PIK3CD: variants seen among roughly 807,000 people sequenced by gnomAD.
PIK3CD encodes phosphatidylinositol-4,5-bisphosphate 3-kinase catalytic subunit delta.
In PIK3CD, 20 loss-of-function variants were observed where a neutral mutation model predicts 122.9. The ratio of observed to expected loss-of-function variants is 0.16; its 90% CI spans 0.11 to 0.24. PIK3CD has a LOEUF of 0.24. Among genes scored for constraint, PIK3CD ranks in the 10% least tolerant of loss-of-function variants. The pLI, the probability that PIK3CD is intolerant of heterozygous loss-of-function variation, is 1.00. For synonymous variants in PIK3CD, 596 were observed against 593.4 expected (o/e 1.00, Z -0.06); for missense variants, 787 against 1,406.3 (o/e 0.56, Z 7.04).
chr1:9,675,895 A>T (rs1645516037), intron 1 of PIK3CD, among the ~76,000 whole-genome samples: 1 of 150,830 alleles, frequency 6.6e-6, no homozygotes. Context: ...CCTCCTGAGC[A>T]GTTAGGACTA....
At position 9,727,395 on chromosome 1, in the gene PIK3CD, G is replaced by A. The variant is rs1215960529; in HGVS notation, c.*349G>A. ...TTCTTCCCAGGCCTCCCGCCAGACTGCCTGGGTCCTGGCGCCTGGCGGTCA... is the reference window on the plus strand; with the variant it reads ...TTCTTCCCAGGCCTCCCGCCAGACTACCTGGGTCCTGGCGCCTGGCGGTCA... On this transcript the variant is annotated 3_prime_UTR_variant, in exon 24 of 24. Coordinates refer to ENST00000377346, the MANE Select transcript of PIK3CD (RefSeq NM_005026.5). The A allele has an allele frequency of 7.0e-6, 3 of 428,938 alleles. No homozygotes were observed. Among genetic ancestry groups the A allele is most frequent in the African/African-American group, 2.0e-5 (1 of 50,132 alleles). The allele number at this position is 428,938 out of a possible 1,614,324, so 26.6% of individuals were successfully genotyped here.
upstream of PIK3CD, among the ~76,000 whole-genome samples, chr1:9,647,587 T>C (rs957765014): frequency 5.3e-5 from 8 of 151,380 alleles, no homozygotes; most frequent in African/African-American, 1.9e-4. Context: ...CACTGCAACC[T>C]TGAATTTCTG....
In PIK3CD at chr1:9,690,242, C is replaced by T. The variant is rs570663010; in HGVS notation, c.-137-1225C>T. Among the ~76,000 whole-genome samples, 275 of 152,316 alleles carry T rather than the reference C, an allele frequency of 1.8e-3. 1 individual carries two copies. The highest frequency in any genetic ancestry group is 3.1e-3 in the Non-Finnish European group (211 of 68,020). On this transcript the variant is annotated intron_variant, in intron 1 of 23. Coordinates refer to ENST00000377346, the MANE Select transcript of PIK3CD (RefSeq NM_005026.5). ...TCCTGAGGTCCTGCGGCTTCCTCCC[C>T]GGGGGAGCGCCTTCTCCCTGGCCGC...
At chr1:9,668,463 C>A (rs75815765) in intron 1 of PIK3CD, among the ~76,000 whole-genome samples, 2,121 of 147,234 alleles carry the variant, frequency 0.014, 52 homozygotes, top group African/African-American at 0.05. Context: ...TTTGGTTTGG[C>A]AAATACTTTA....
the PIK3CD span, among the ~76,000 whole-genome samples, chr1:9,630,917 C>T: frequency 6.6e-6 from 1 of 152,090 alleles, no homozygotes; most frequent in Non-Finnish European, 1.5e-5. Flanking sequence ...GGGAGGCTGG[C>T]TGGGTTGGCT....
At chr1:9,674,117 C>T (rs1308690615) in intron 1 of PIK3CD, among the ~76,000 whole-genome samples, 2 of 152,176 alleles carry the variant, frequency 1.3e-5, no homozygotes, top group Non-Finnish European at 2.9e-5. Context: ...ATCACAGAGC[C>T]TGGGCCAGAG....
the PIK3CD span, among the ~76,000 whole-genome samples, chr1:9,643,972 G>A: frequency 3.3e-5 from 5 of 152,334 alleles, no homozygotes; most frequent in African/African-American, 1.2e-4. Context: ...TGGAGGCAGT[G>A]TCTGGAGTCC....
chr1:9,687,404 TC>T (rs1646005501), intron 1 of PIK3CD: 1 of 152,490 alleles, frequency 6.6e-6, no homozygotes, highest in South Asian at 2.1e-4. Context: ...CGGCGTGACT[TC>T]CGGTGGCTGA....
At chr1:9,655,504 A>G (rs1156575652) in intron 1 of PIK3CD, among the ~76,000 whole-genome samples, 1 of 71,132 alleles carries the variant, frequency 1.4e-5, no homozygotes, top group Non-Finnish European at 2.1e-5. Context: ...TCCTACCAAA[A>G]TAACGGCCAT....
intron 1 of PIK3CD, among the ~76,000 whole-genome samples, chr1:9,686,891 C>G (rs533717467): frequency 2.6e-4 from 40 of 152,292 alleles, no homozygotes; most frequent in Non-Finnish European, 2.4e-4. Context: ...AGGCACTGTT[C>G]TAGAGATTTT....
intron 1 of PIK3CD, among the ~76,000 whole-genome samples, chr1:9,672,158 C>A (rs923200157): frequency 6.6e-6 from 1 of 152,238 alleles, no homozygotes; most frequent in African/African-American, 2.4e-5. Flanking sequence ...CCCACCCCAA[C>A]TGCGACCTCG....
rs1420336653 is a variant in PIK3CD at position 9,720,677 on chromosome 1, G to T, written c.1521+16G>T. ...CGAGGAGGAGGTGAGTGGGGTGGGG[G>T]TGTGGGGTGGGGGGCATGGAGCCGG... On this transcript the variant is annotated intron_variant, in intron 12 of 23. Coordinates refer to ENST00000377346, the MANE Select transcript of PIK3CD (RefSeq NM_005026.5). This position sits in a 1 kb window ranked among gnomAD's most constrained non-coding sequence, Gnocchi z 9.0. 1 of 1,530,656 alleles carries T rather than the reference G, an allele frequency of 6.5e-7. No homozygotes were observed. Among genetic ancestry groups the T allele is most frequent in the African/African-American group, 1.4e-5 (1 of 69,664 alleles). The allele number at this position is 1,530,656 out of a possible 1,614,324, so 94.8% of individuals were successfully genotyped here.
chr1:9,710,660 GAT>G lies in PIK3CD; in HGVS notation c.141+66_141+67del, dbSNP rs1647011453. 8 of 1,443,610 alleles carry G rather than the reference GAT, an allele frequency of 5.5e-6. No homozygotes were observed. The highest frequency in any genetic ancestry group is 2.0e-4 in the Middle Eastern group (1 of 5,044). The allele number at this position is 1,443,610 out of a possible 1,614,324, so 89.4% of individuals were successfully genotyped here. A position where few individuals can be genotyped will look rare whatever the true frequency, so the allele number is the denominator to read the frequency against. ...AGAGAGAGAGAGAGAGAGAGACACA[GAT>G]AGACAGACAGACAGACAGACAGATG... On this transcript the variant is annotated intron_variant, in intron 3 of 23. Transcript: ENST00000377346. The surrounding 1 kb of genome is among the most constrained non-coding windows in gnomAD (Gnocchi z 4.7).
chr1:9,711,721 C>T (rs1408842098), intron 3 of PIK3CD, among the ~76,000 whole-genome samples: 3 of 151,988 alleles, frequency 2.0e-5, no homozygotes, highest in African/African-American at 4.8e-5. Flanking sequence ...ACTACAGGCA[C>T]GTGCCATCAA....
intron 2 of PIK3CD, among the ~76,000 whole-genome samples, chr1:9,698,533 G>T (rs1646506402): frequency 6.6e-6 from 1 of 152,220 alleles, no homozygotes; most frequent in African/African-American, 2.4e-5. Flanking sequence ...GCAGTGTTGT[G>T]TAGTGTGCCC....
chr1:9,676,774 G>A (rs890392965), intron 1 of PIK3CD, among the ~76,000 whole-genome samples: 2 of 152,206 alleles, frequency 1.3e-5, no homozygotes, highest in Non-Finnish European at 2.9e-5. Flanking sequence ...TTGTCACAAT[G>A]TTTAATGAGA....
At chr1:9,654,896 C>A (rs756630700) in intron 1 of PIK3CD, among the ~76,000 whole-genome samples, 2 of 149,656 alleles carry the variant, frequency 1.3e-5, no homozygotes, top group Non-Finnish European at 3.0e-5. Flanking sequence ...TCTGTCTCTA[C>A]GAAAAATGCA....
intron 2 of PIK3CD, chr1:9,691,893 A>G (rs1646208867): frequency 4.3e-6 from 1 of 232,352 alleles, no homozygotes; most frequent in Admixed American, 5.7e-5. Flanking sequence ...TGGCCACGGT[A>G]GCGTTGGACT....
At chr1:9,643,577 T>C in the PIK3CD span, among the ~76,000 whole-genome samples, 1 of 152,136 alleles carries the variant, frequency 6.6e-6, no homozygotes, top group Non-Finnish European at 1.5e-5. Context: ...AGCCCAAAGA[T>C]GCCGTTCTAG....
Sources: allele counts gnomAD v4.1 joint callset (sites outside exome capture counted in the v4.1 genomes callset), GRCh38; gene constraint gnomAD v4.1.1; non-coding constraint Gnocchi (gnomAD v3.1); transcripts MANE v1.5; gene names NCBI Gene and HGNC (gene_info 2026-07-23, HGNC 2026-07-21).